BROX: variants seen among roughly 807,000 people sequenced by gnomAD.
The protein encoded by BROX is BRO1 domain-containing protein BROX.
In BROX, 53 loss-of-function variants were observed where a neutral mutation model predicts 61.0. That is an observed-to-expected ratio of 0.87 (90% CI 0.70 to 1.09). BROX has a LOEUF of 1.09. Ranked by LOEUF, BROX falls within the 50% of genes least tolerant of loss-of-function variation. The pLI, the probability that BROX is intolerant of heterozygous loss-of-function variation, is 0.00. For missense variants in BROX, 489 were observed against 472.0 expected (o/e 1.04, Z -0.33); for synonymous variants, 152 against 160.2 (o/e 0.95, Z 0.38).
Position 222,731,358 on chromosome 1 carries a change from TAC to T in BROX, c.992_993del (p.Tyr331PhefsTer43), listed in dbSNP as rs1571990819. On this transcript the variant is annotated frameshift_variant and splice_region_variant, in exon 12 of 13. Transcript: ENST00000340934. LOFTEE classifies it high-confidence loss of function. ...TGCTATTTAAATTATTTTTTGCAGTTACTTTCAAAAAATTCCAACAGAAGCCC... is the reference window on the plus strand; with the variant it reads ...TGCTATTTAAATTATTTTTTGCAGTTTTTCAAAAAATTCCAACAGAAGCCC... ...EKCQRENGFI[Y>X]FQKIPTEAPQ... is the part of the protein sequence containing the mutation. The T allele has an allele frequency of 6.4e-7, 1 of 1,560,076 alleles. No individual in the cohort carries two copies. The highest frequency in any genetic ancestry group is 8.6e-7 in the Non-Finnish European group (1 of 1,163,506).
chr1:222,719,501 AT>A, intron 4 of BROX, 142 bp downstream of exon 4: 1 of 612,714 alleles, frequency 1.6e-6, no homozygotes, highest in Non-Finnish European at 2.9e-6. Context: ...AATTAAAAGC[AT>A]TTTACCTCAA....
chr1:222,722,343 G>C, intron 4 of BROX, 76 bp from the exon 5 acceptor site: 1 of 1,219,712 alleles, frequency 8.2e-7, no homozygotes, highest in South Asian at 1.3e-5. Flanking sequence ...GTAATTTTGA[G>C]TCGGATATCC....
intron 7 of BROX, among the ~76,000 whole-genome samples, chr1:222,726,849 C>T (rs770260433): frequency 6.6e-6 from 1 of 152,164 alleles, no homozygotes; most frequent in African/African-American, 2.4e-5. Context: ...CAAGCCACTG[C>T]ACTCCATCCT....
chr1:222,718,772 G>A (rs1335323508), intron 2 of BROX, among the ~76,000 whole-genome samples, 153 bp from the exon 3 acceptor site: 1 of 152,126 alleles, frequency 6.6e-6, no homozygotes, highest in Non-Finnish European at 1.5e-5. Context: ...GCATGTGCAT[G>A]CGTGTGTGTG....
chr1:222,715,360 C>A (rs1656514966), intron 1 of BROX: 2 of 154,140 alleles, frequency 1.3e-5, no homozygotes, highest in African/African-American at 4.8e-5. Flanking sequence ...TTCAAATGCT[C>A]TTCTGCTTTT....
chr1:222,725,624 C>T, intron 7 of BROX, 69 bp downstream of exon 7: 1 of 1,315,672 alleles, frequency 7.6e-7, no homozygotes. Context: ...CTTTAAAAAT[C>T]AGAAGTTGGG....
intron 1 of BROX, 86 bp downstream of exon 1, chr1:222,713,028 C>T: frequency 8.6e-7 from 1 of 1,163,740 alleles, no homozygotes; most frequent in Non-Finnish European, 1.1e-6. Context: ...CCCCCTTTTA[C>T]ATTAGTCTCC....
Position 222,734,442 on chromosome 1 carries a change from A to G in BROX, c.*1728A>G, listed in dbSNP as rs1451796372. The G allele has an allele frequency of 2.0e-5, 3 of 151,674 alleles. No homozygotes were observed. The highest frequency in any genetic ancestry group is 6.6e-5 in the Admixed American group (1 of 15,206). 9.4% of individuals were successfully genotyped at this position (151,674 alleles called of 1,614,324 possible). On this transcript the variant is annotated 3_prime_UTR_variant, in exon 13 of 13. Coordinates refer to ENST00000340934, the MANE Select transcript of BROX (RefSeq NM_144695.4). ...ATTCAAATAAGTGATTACTTAAATC[A>G]TATATCATAGTTTACACTCCTTAAA...
intron 2 of BROX, among the ~76,000 whole-genome samples, chr1:222,716,300 T>C (rs1392211976): frequency 6.6e-6 from 1 of 152,160 alleles, no homozygotes; most frequent in Non-Finnish European, 1.5e-5. Flanking sequence ...GTTTTCACCA[T>C]GTTGGCCAGG....
intron 1 of BROX, 92 bp downstream of exon 1, chr1:222,713,034 T>C: frequency 8.6e-7 from 1 of 1,161,634 alleles, no homozygotes; most frequent in East Asian, 6.3e-5. Flanking sequence ...TTTACATTAG[T>C]CTCCATAGAC....
At chr1:222,713,237 A>G (rs918995129) in intron 1 of BROX, 55 of 986,018 alleles carry the variant, frequency 5.6e-5, no homozygotes, top group Non-Finnish European at 6.6e-5. Flanking sequence ...TTGTCTGGCC[A>G]CCTCTCCCGG....
In BROX at chr1:222,712,645, G is replaced by GA; in HGVS notation, c.-309dup. ...GGGCAACTCTTCTCTTCCTGTCTGGGAAAAAGACCATAGCTCAAAAGGAAG... is the reference window on the plus strand; with the variant it reads ...GGGCAACTCTTCTCTTCCTGTCTGGGAAAAAAGACCATAGCTCAAAAGGAAG... On this transcript the variant is annotated 5_prime_UTR_variant, in exon 1 of 13. Transcript: ENST00000340934. 1 of 1,317,120 alleles carries GA rather than the reference G, an allele frequency of 7.6e-7. No individual in the cohort carries two copies. Among genetic ancestry groups the GA allele is most frequent in the South Asian group, 1.3e-5 (1 of 79,182 alleles). 81.6% of individuals were successfully genotyped at this position (1,317,120 alleles called of 1,614,324 possible).
In BROX at chr1:222,718,952, C is replaced by T; in HGVS notation, c.129C>T (p.Leu43=). 1 of 1,613,832 alleles carries T rather than the reference C, an allele frequency of 6.2e-7. No individual in the cohort carries two copies. The highest frequency in any genetic ancestry group is 1.1e-5 in the South Asian group (1 of 91,056). Residue 43 remains leucine (L), a synonymous_variant, in exon 3 of 13, where the codon CTC becomes CTT. Transcript: ENST00000340934. ...ACTTGAGGTCATCCAGGGCACGACT[C>T]CTTGAACTGTTCACTGATTTGAGCT... The part of the protein sequence containing the change: ...CNDLRSSRAR[L]LELFTDLSCN...
intron 6 of BROX, 121 bp downstream of exon 6, chr1:222,724,285 C>T (rs1053857110): frequency 5.2e-6 from 4 of 769,656 alleles, no homozygotes; most frequent in African/African-American, 1.8e-5. Context: ...ACTATGTGTT[C>T]TGTTTTCCTT....
At chr1:222,727,098 T>C (rs1657563190) in intron 7 of BROX, 70 bp from the exon 8 acceptor site, 1 of 1,051,676 alleles carries the variant, frequency 9.5e-7, no homozygotes, top group African/African-American at 1.6e-5. Flanking sequence ...TGTCTTTTGC[T>C]ATTATAATTG....
chr1:222,720,838 A>G (rs1657042952), intron 4 of BROX, among the ~76,000 whole-genome samples: 1 of 152,114 alleles, frequency 6.6e-6, no homozygotes, highest in Non-Finnish European at 1.5e-5. Context: ...TTTAAAAGTG[A>G]GCTACTATTT....
Position 222,728,722 on chromosome 1 carries a change from CT to C in BROX, c.671-16del. The C allele has an allele frequency of 6.6e-7, 1 of 1,518,150 alleles. No homozygotes were observed. 94.0% of individuals were successfully genotyped at this position (1,518,150 alleles called of 1,614,324 possible). On this transcript the variant is annotated intron_variant, in intron 8 of 12. Coordinates refer to ENST00000340934, the MANE Select transcript of BROX (RefSeq NM_144695.4). Reference sequence around the variant, plus strand: ...TGAATCAGGGCGAAATTATATTTTGCTTTTTAAAATGTAACTTTAGATCATA... The same window carrying C: ...TGAATCAGGGCGAAATTATATTTTGCTTTTAAAATGTAACTTTAGATCATA...
At position 222,732,994 on chromosome 1, in the gene BROX, A is replaced by G. The variant is rs1321840787; in HGVS notation, c.*280A>G. 3.3e-5 allele frequency: 10 copies of G among 298,930 alleles called. No homozygotes were observed. Among genetic ancestry groups the G allele is most frequent in the South Asian group, 3.0e-4 (5 of 16,876 alleles). 18.5% of individuals were successfully genotyped at this position (298,930 alleles called of 1,614,324 possible). A position where few individuals can be genotyped will look rare whatever the true frequency, so the allele number is the denominator to read the frequency against. On this transcript the variant is annotated 3_prime_UTR_variant, in exon 13 of 13. Coordinates refer to ENST00000340934, the MANE Select transcript of BROX (RefSeq NM_144695.4). The stretch of plus-strand genomic sequence containing the variant: ...TGGGTCTTTTTGTTAAACTCTGGAT[A>G]GTAATAAGTTTCAGGTCAGTATAGG...
chr1:222,728,905 C>A (rs1199649505), intron 9 of BROX, 77 bp downstream of exon 9: 2 of 999,510 alleles, frequency 2.0e-6, no homozygotes, highest in Non-Finnish European at 2.9e-6. Context: ...CTCATCTCAC[C>A]AGAGTCTTTC....
Sources: allele counts gnomAD v4.1 joint callset (sites outside exome capture counted in the v4.1 genomes callset), GRCh38; gene constraint gnomAD v4.1.1; transcripts MANE v1.5; gene names NCBI Gene and HGNC (gene_info 2026-07-23, HGNC 2026-07-21).